ZNF202: variants seen among roughly 807,000 people sequenced by gnomAD.
ZNF202 encodes zinc finger protein with KRAB and SCAN domains 10.
A neutral mutation model predicts 54.5 loss-of-function variants in ZNF202; 22 were observed. The observed-to-expected ratio is 0.40, with a 90% CI of 0.29 to 0.58. The LOEUF (loss-of-function observed/expected upper bound fraction) is 0.58, where lower values mean the gene tolerates loss of function less well. Among genes scored for constraint, ZNF202 ranks in the 20% least tolerant of loss-of-function variants. The pLI is 0.39. For missense variants in ZNF202, 644 were observed against 805.5 expected, an observed-to-expected ratio of 0.80 and a Z score of 2.43; for synonymous variants, 294 against 301.4, an observed-to-expected ratio of 0.98 and a Z score of 0.26.
At chr11:123,732,953 G>A (rs970803578) in intron 3 of ZNF202, among the ~76,000 whole-genome samples, 1 of 151,922 alleles carries the variant, frequency 6.6e-6, no homozygotes, top group African/African-American at 2.4e-5. Context: ...CCCACTAGAA[G>A]GTATTCATAG....
chr11:123,733,150 TAC>T (rs1267591754), intron 3 of ZNF202, among the ~76,000 whole-genome samples: 1 of 152,190 alleles, frequency 6.6e-6, no homozygotes, highest in Non-Finnish European at 1.5e-5. Flanking sequence ...TGTGCTATAC[TAC>T]AGTTGCCTCA....
Position 123,730,517 on chromosome 11 carries a change from C to T in ZNF202, c.372G>A (p.Leu124=), listed in dbSNP as rs764505380. 1.3e-6 allele frequency: 2 copies of T among 1,538,956 alleles called. No individual in the cohort carries two copies. The highest frequency in any genetic ancestry group is 2.3e-5 in the East Asian group (1 of 44,354). ...GCCTTGGTCTCCTGGGTTGTTTCTGCAAACCCTCCACCAGCGTCACTGCCT... is the reference window on the plus strand; with the variant it reads ...GCCTTGGTCTCCTGGGTTGTTTCTGTAAACCCTCCACCAGCGTCACTGCCT... ...GEEAVTLVEG[L]QKQPRRPRRW... is the part of the protein sequence containing the mutation. Residue 124 remains leucine, a synonymous_variant, in exon 4 of 9, where the codon TTG becomes TTA. Coordinates refer to ENST00000530393, the MANE Select transcript of ZNF202 (RefSeq NM_003455.4). The surrounding 1 kb of genome is among the most constrained non-coding windows in gnomAD (Gnocchi z 6.0).
chr11:123,725,973 A>C lies in ZNF202; in HGVS notation c.*24T>G, dbSNP rs3802899. 6.3e-7 allele frequency: 1 copy of C among 1,589,490 alleles called. No homozygotes were observed. The highest frequency in any genetic ancestry group is 2.2e-5 in the East Asian group (1 of 44,648). On this transcript the variant is annotated 3_prime_UTR_variant, in exon 9 of 9. Coordinates refer to ENST00000530393, the MANE Select transcript of ZNF202 (RefSeq NM_003455.4). ...CCTCCCTTAGGTGAGGGCTGAAAGC[A>C]GATCTCCTCACATGGGGACCTAGCT...
Position 123,726,952 on chromosome 11 carries a change from TC to T in ZNF202, c.991del (p.Glu331LysfsTer3). 1 of 1,613,668 alleles carries T rather than the reference TC, an allele frequency of 6.2e-7. No individual in the cohort carries two copies. Among genetic ancestry groups the T allele is most frequent in the Non-Finnish European group, 8.5e-7 (1 of 1,179,966 alleles). On this transcript the variant is annotated frameshift_variant, in exon 9 of 9. Transcript: ENST00000530393. LOFTEE classifies it low-confidence loss of function (END_TRUNC). The surrounding 1 kb of genome is among the most constrained non-coding windows in gnomAD (Gnocchi z 6.0). ...SKDEEECLEQEDLSLEDIHRP... is the reference protein window; with the variant it reads ...SKDEEECLEQXDLSLEDIHRP... The stretch of plus-strand genomic sequence containing the variant: ...GTGTATATCCTCCAAACTCAGATCT[TC>T]CTGCTCCAGACACTCTTCCTCATCT...
chr11:123,738,778 C>G (rs1389234372), intron 3 of ZNF202: 1 of 152,172 alleles, frequency 6.6e-6, no homozygotes, highest in African/African-American at 2.4e-5. Context: ...TGTGGATACT[C>G]CCTGTTTCAC....
chr11:123,736,623 C>A (rs1861642302), intron 3 of ZNF202, among the ~76,000 whole-genome samples: 1 of 152,112 alleles, frequency 6.6e-6, no homozygotes, highest in Non-Finnish European at 1.5e-5. Context: ...TTCTTTTATT[C>A]TTGATTGTCC....
Position 123,726,472 on chromosome 11 carries a change from CG to C in ZNF202, c.1471del (p.Arg491AlafsTer34). On this transcript the variant is annotated frameshift_variant, in exon 9 of 9. Coordinates refer to ENST00000530393, the MANE Select transcript of ZNF202 (RefSeq NM_003455.4). LOFTEE classifies it high-confidence loss of function. The surrounding 1 kb of genome is among the most constrained non-coding windows in gnomAD (Gnocchi z 6.0). ...ATGTCTGACAAGGTCTGAAGTCCAG[CG>C]GAAGTGCTTTCCGCAATCATCACAT... ...YRCDDCGKHF[R>X]WTSDLVRHQR... 1 of 1,614,238 alleles carries C rather than the reference CG, an allele frequency of 6.2e-7. No homozygotes were observed. The highest frequency in any genetic ancestry group is 8.5e-7 in the Non-Finnish European group (1 of 1,180,038).
intron 4 of ZNF202, 95 bp from the exon 5 acceptor site, chr11:123,729,920 C>A: frequency 7.6e-7 from 1 of 1,312,250 alleles, no homozygotes; most frequent in East Asian, 2.4e-5. Flanking sequence ...CTAGAGAAAA[C>A]ACTCCCAGAG....
chr11:123,725,769 G>T lies in ZNF202; in HGVS notation c.*228C>A. 1 of 532,800 alleles carries T rather than the reference G, an allele frequency of 1.9e-6. No individual in the cohort carries two copies. The highest frequency in any genetic ancestry group is 3.3e-6 in the Non-Finnish European group (1 of 304,512). The allele number at this position is 532,800 out of a possible 1,614,324, so 33.0% of individuals were successfully genotyped here. A position where few individuals can be genotyped will look rare whatever the true frequency, so the allele number is the denominator to read the frequency against. On this transcript the variant is annotated 3_prime_UTR_variant, in exon 9 of 9. Transcript: ENST00000530393. Reference sequence around the variant, plus strand: ...GCAGGTGCACTCCAGTGAAGGAGAAGCCTCAATTCAGGTTGTACTTTGGAT... The same window carrying T: ...GCAGGTGCACTCCAGTGAAGGAGAATCCTCAATTCAGGTTGTACTTTGGAT...
intron 3 of ZNF202, among the ~76,000 whole-genome samples, chr11:123,734,340 C>T (rs1234744819): frequency 1.3e-5 from 2 of 152,152 alleles, no homozygotes; most frequent in Non-Finnish European, 2.9e-5. Flanking sequence ...ATGTGATACA[C>T]AAAGACCTTC....
Position 123,730,375 on chromosome 11 carries a change from G to A in ZNF202, c.402+112C>T. 7.3e-7 allele frequency: 1 copy of A among 1,373,322 alleles called. No individual in the cohort carries two copies. The highest frequency in any genetic ancestry group is 9.7e-7 in the Non-Finnish European group (1 of 1,030,022). 85.1% of individuals were successfully genotyped at this position (1,373,322 alleles called of 1,614,324 possible). A position where few individuals can be genotyped will look rare whatever the true frequency, so the allele number is the denominator to read the frequency against. On this transcript the variant is annotated intron_variant, in intron 4 of 8. Coordinates refer to ENST00000530393, the MANE Select transcript of ZNF202 (RefSeq NM_003455.4). The surrounding 1 kb of genome is among the most constrained non-coding windows in gnomAD (Gnocchi z 6.0). The stretch of plus-strand genomic sequence containing the variant: ...GGCTCATGGTATATGAGCAACCCAA[G>A]GGCAGAGCCCACTAATAATTTATGG...
intron 1 of ZNF202, among the ~76,000 whole-genome samples, 168 bp downstream of exon 1, chr11:123,741,381 C>T (rs560040203): frequency 2.4e-4 from 37 of 152,216 alleles, no homozygotes; most frequent in Admixed American, 9.8e-4. Flanking sequence ...GTCTCGGCAC[C>T]CTCAGTACAC....
At chr11:123,727,790 A>T (rs573466910) in intron 7 of ZNF202, among the ~76,000 whole-genome samples, 195 bp from the exon 8 acceptor site, 1 of 152,336 alleles carries the variant, frequency 6.6e-6, no homozygotes, top group Non-Finnish European at 1.5e-5. Context: ...TTTCACCTGC[A>T]ACTTAATAAT....
chr11:123,726,844 T>C lies in ZNF202; in HGVS notation c.1100A>G (p.Glu367Gly), dbSNP rs769597510. 1 of 1,614,228 alleles carries C rather than the reference T, an allele frequency of 6.2e-7. No homozygotes were observed. The highest frequency in any genetic ancestry group is 8.5e-7 in the Non-Finnish European group (1 of 1,180,050). ...AGAAATATTAGTACCAAATCTTCTT[T>C]CATTAAGTCTACCTGGATTGTCCTC... ...VFEDNPGRLNERRFGTNISQV... is the reference protein window; with the variant it reads ...VFEDNPGRLNGRRFGTNISQV... Residue 367 changes from glutamate to glycine, a missense_variant, in exon 9 of 9, where the codon GAA becomes GGA. Glu to Gly is a moderately conservative substitution (Grantham distance 98). This residue lies in a region of ZNF202 where 536 missense variants were observed against 635.3 expected (regional missense o/e 0.84). Coordinates refer to ENST00000530393, the MANE Select transcript of ZNF202 (RefSeq NM_003455.4). This position sits in a 1 kb window ranked among gnomAD's most constrained non-coding sequence, Gnocchi z 6.0.
intron 3 of ZNF202, among the ~76,000 whole-genome samples, chr11:123,731,800 T>C (rs966780134): frequency 6.6e-6 from 1 of 152,238 alleles, no homozygotes; most frequent in South Asian, 2.1e-4. Context: ...CCAGCTATTA[T>C]CTTTCTAAAT....
chr11:123,729,559 TC>T (rs1555125917), intron 5 of ZNF202, 55 bp downstream of exon 5: 1 of 1,245,614 alleles, frequency 8.0e-7, no homozygotes, highest in Non-Finnish European at 1.1e-6. Flanking sequence ...CCGAGAAATG[TC>T]CCCCTCCTTG....
chr11:123,735,610 G>A (rs1368631039), intron 3 of ZNF202, among the ~76,000 whole-genome samples: 2 of 152,080 alleles, frequency 1.3e-5, no homozygotes, highest in African/African-American at 2.4e-5. Context: ...ATATGCCCCG[G>A]CCCCAGATCC....
At chr11:123,727,351 G>A in intron 8 of ZNF202, 125 bp downstream of exon 8, 1 of 1,333,486 alleles carries the variant, frequency 7.5e-7, no homozygotes, top group Non-Finnish European at 1.0e-6. Context: ...CTGTCAGAGG[G>A]AGAAAGCAGT....
rs1303584298 is a variant in ZNF202, at chr11:123,729,199, T to C, written c.629A>G (p.Glu210Gly). 1 of 1,613,722 alleles carries C rather than the reference T, an allele frequency of 6.2e-7. No homozygotes were observed. The highest frequency in any genetic ancestry group is 1.6e-4 in the Middle Eastern group (1 of 6,062). Residue 210 changes from glutamate to glycine, a missense_variant, in exon 6 of 9, where the codon GAG becomes GGG. Transcript: ENST00000530393. The part of the protein sequence containing the change: ...TLQESEVPVP[E>G]DPDLPAERSS... ...CCTCTCTGCAGGAAGGTCTGGGTCC[T>C]CGGGCACTGGGACCTCTATGAAGAA... is the stretch of plus-strand genomic sequence containing the variant.
Sources: allele counts gnomAD v4.1 joint callset (sites outside exome capture counted in the v4.1 genomes callset), GRCh38; gene constraint gnomAD v4.1.1; regional missense constraint gnomAD v4.1.1; non-coding constraint Gnocchi (gnomAD v3.1); transcripts MANE v1.5; gene names NCBI Gene and HGNC (gene_info 2026-07-23, HGNC 2026-07-21).